Variants in BRD2 observed in about 807,000 individuals in gnomAD.
BRD2 encodes the protein bromodomain-containing protein 2.
Under a neutral mutation model 79.1 loss-of-function variants are expected in BRD2, and 15 were observed. That is an observed-to-expected ratio of 0.19 (90% CI 0.13 to 0.29). The LOEUF is 0.29. Among genes scored for constraint, BRD2 ranks in the 10% least tolerant of loss-of-function variants. BRD2 has a pLI of 1.00. For missense variants in BRD2, 1,053 were observed against 991.3 expected, an observed-to-expected ratio of 1.06 and a Z score of -0.84; for synonymous variants, 488 against 358.6, an observed-to-expected ratio of 1.36 and a Z score of -4.08.
At chr6:32,980,490 C>T (rs1582933358) in intron 12 of BRD2, 26 bp downstream of exon 12, 2 of 1,612,786 alleles carry the variant, frequency 1.2e-6, no homozygotes. Context: ...CATGCCACTA[C>T]AGATTGACTC....
rs145888786 is a variant in BRD2 at position 32,979,836 on chromosome 6, A to G, written c.1850A>G (p.Lys617Arg). Residue 617 changes from lysine to arginine, a missense_variant, in exon 11 of 13, where the codon AAA becomes AGA. By Grantham distance (26) the Lys-to-Arg change is conservative (BLOSUM62 2). Around this residue, in one of 5 missense-constraint regions of BRD2, gnomAD observed 454 missense variants for 430.5 expected, o/e 1.05. Coordinates refer to ENST00000374825, the MANE Select transcript of BRD2 (RefSeq NM_005104.4). ...ACTCTTTTTGCCCTTAGGCTCCCCAAAAAGGCCACAAAGACAGCCCCACCT... is the reference window on the plus strand; with the variant it reads ...ACTCTTTTTGCCCTTAGGCTCCCCAGAAAGGCCACAAAGACAGCCCCACCT... ...PSGGSGTKLP[K>R]KATKTAPPAL... 8.1e-6 allele frequency: 13 copies of G among 1,611,228 alleles called. No individual in the cohort carries two copies. The highest frequency in any genetic ancestry group is 1.3e-5 in the African/African-American group (1 of 74,838).
Position 32,978,209 on chromosome 6 carries a change from AAAG to A in BRD2, c.1668_1670del (p.Lys557del). On this transcript the variant is annotated inframe_deletion, in exon 10 of 13. Coordinates refer to ENST00000374825, the MANE Select transcript of BRD2 (RefSeq NM_005104.4). ...AGAGGAAAAGAGAGAAAAAAGAGAA[AAAG>A]AAGAAACGGAAGGCAGAGAAGCATC... 1 of 1,613,106 alleles carries A rather than the reference AAAG, an allele frequency of 6.2e-7. No individual in the cohort carries two copies. Among genetic ancestry groups the A allele is most frequent in the Non-Finnish European group, 8.5e-7 (1 of 1,180,038 alleles).
intron 10 of BRD2, 157 bp downstream of exon 10, chr6:32,978,545 G>T: frequency 7.9e-7 from 1 of 1,261,596 alleles, no homozygotes; most frequent in Non-Finnish European, 1.1e-6. Context: ...GACCAGTTTC[G>T]TGGAAGACAG....
At chr6:32,971,535 C>G in intron 1 of BRD2, 60 bp from the exon 2 acceptor site, 1 of 440,750 alleles carries the variant, frequency 2.3e-6, no homozygotes, top group Non-Finnish European at 4.0e-6. Flanking sequence ...AAGCCCGTAG[C>G]TGTTCGCCAT....
At position 32,976,828 on chromosome 6, in the gene BRD2, G is replaced by A. The variant is rs749356081; in HGVS notation, c.1092G>A (p.Lys364=). 2 of 1,613,174 alleles carry A rather than the reference G, an allele frequency of 1.2e-6. No homozygotes were observed. ...TTTTGAAGGAGTTACTCTCTAAGAAGCATGCTGCCTATGCTTGGCCTTTCT... is the reference window on the plus strand; with the variant it reads ...TTTTGAAGGAGTTACTCTCTAAGAAACATGCTGCCTATGCTTGGCCTTTCT... ...NGILKELLSK[K]HAAYAWPFYK... is the part of the protein sequence containing the mutation. The change falls in exon 7 of 13, where the codon AAG becomes AAA. Residue 364 remains lysine (K), a synonymous_variant. Transcript: ENST00000374825.
intron 4 of BRD2, 40 bp from the exon 5 acceptor site, chr6:32,975,991 C>T (rs1337602435): frequency 6.4e-7 from 1 of 1,568,434 alleles, no homozygotes; most frequent in Non-Finnish European, 8.6e-7. Context: ...CTTCTGTTGG[C>T]ATTTTTTAAC....
Position 32,977,869 on chromosome 6 carries a change from C to T in BRD2, c.1442C>T (p.Ser481Phe), listed in dbSNP as rs1778974380. The T allele has an allele frequency of 1.2e-6, 2 of 1,612,950 alleles. No homozygotes were observed. Among genetic ancestry groups the T allele is most frequent in the South Asian group, 2.2e-5 (2 of 91,090 alleles). Residue 481 changes from serine to phenylalanine, a missense_variant, in exon 9 of 13, where the codon TCC becomes TTC. Ser to Phe is a radical substitution (Grantham distance 155). Transcript: ENST00000374825. The stretch of plus-strand genomic sequence containing the variant: ...TTGGCCAAATCGTCTTCAGAGTCCT[C>T]CAGTGAGGAAAGTAGCAGTGAGAGC... ...PGLAKSSSES[S>F]SEESSSESSS...
chr6:32,973,035 C>G (rs757656991), intron 2 of BRD2, 108 bp downstream of exon 2: 27 of 1,610,906 alleles, frequency 1.7e-5, no homozygotes, highest in Middle Eastern at 1.7e-4. Context: ...GCTGCTGTTG[C>G]GGCGCAGCTG....
rs137873258 is a variant in BRD2, at chr6:32,977,678, A to G, written c.1330-79A>G. 5.6e-4 allele frequency: 897 copies of G among 1,603,638 alleles called. 7 individuals carry two copies. The African/African-American group carries it at 0.011, about 20-fold the overall frequency. ...GTCTCACTGTTCTGTACAGTTGTAA[A>G]TTGGAGCTATATCACTTGGTGGCTG... On this transcript the variant is annotated intron_variant, in intron 8 of 12. Coordinates refer to ENST00000374825, the MANE Select transcript of BRD2 (RefSeq NM_005104.4).
Position 32,978,020 on chromosome 6 carries a change from T to A in BRD2, c.1578+15T>A. On this transcript the variant is annotated intron_variant, in intron 9 of 12. Transcript: ENST00000374825. ...TACAGGAACAGGTATTTTGTCACTC[T>A]TGAAAGTTTTTATTGGGTAAGAGGT... 3 of 1,607,274 alleles carry A rather than the reference T, an allele frequency of 1.9e-6. No individual in the cohort carries two copies. The East Asian group carries it at 6.7e-5, about 36-fold the overall frequency.
Position 32,976,685 on chromosome 6 carries a change from C to T in BRD2, c.949C>T (p.Arg317Cys), listed in dbSNP as rs1778810645. ...TAAGGCAGCACGGCTTCCCCCTATG[C>T]GTAGAGAGAGTGGTCGCCCCATCAA... ...EPKAARLPPMRRESGRPIKPP... is the reference protein window; with the variant it reads ...EPKAARLPPMCRESGRPIKPP... Residue 317 changes from arginine to cysteine, a missense_variant, in exon 7 of 13, where the codon CGT becomes TGT. Around this residue, in one of 5 missense-constraint regions of BRD2, gnomAD observed 454 missense variants for 430.5 expected, o/e 1.05. Coordinates refer to ENST00000374825, the MANE Select transcript of BRD2 (RefSeq NM_005104.4). 1.9e-6 allele frequency: 3 copies of T among 1,612,490 alleles called. No homozygotes were observed. Among genetic ancestry groups the T allele is most frequent in the Non-Finnish European group, 1.7e-6 (2 of 1,179,836 alleles).
rs368750193 is a variant in BRD2, at chr6:32,968,971, T to TG, written c.-1381dup. On this transcript the variant is annotated 5_prime_UTR_variant, in exon 1 of 13. The change creates a premature stop within an existing upstream ORF in the 5' untranslated region. Transcript: ENST00000374825. ...CCTCCCCCAGCACGGCTTCGTTTTC[T>TG]GGGGGGGGGTTGACACCCCGGATTA... 802 of 180,574 alleles carry TG rather than the reference T, an allele frequency of 4.4e-3. 4 individuals carry two copies. Among genetic ancestry groups the TG allele is most frequent in the Admixed American group, 0.011 (174 of 16,156 alleles). 11.2% of individuals were successfully genotyped at this position (180,574 alleles called of 1,614,324 possible).
chr6:32,976,735 C>T lies in BRD2; in HGVS notation c.999C>T (p.Asp333=). 1 of 1,613,290 alleles carries T rather than the reference C, an allele frequency of 6.2e-7. No individual in the cohort carries two copies. The highest frequency in any genetic ancestry group is 8.5e-7 in the Non-Finnish European group (1 of 1,180,042). The change falls in exon 7 of 13, where the codon GAC becomes GAT. Residue 333 remains aspartate (D), a synonymous_variant. Transcript: ENST00000374825. The part of the protein sequence containing the change: ...PIKPPRKDLP[D]SQQQHQSSKK... Reference sequence around the variant, plus strand: ...AGCCCCCACGCAAAGACTTGCCTGACTCTCAGCAACAACACCAGAGCTCTA... The same window carrying T: ...AGCCCCCACGCAAAGACTTGCCTGATTCTCAGCAACAACACCAGAGCTCTA...
chr6:32,972,251 T>A lies in BRD2; in HGVS notation c.-648T>A, dbSNP rs1412822295. On this transcript the variant is annotated 5_prime_UTR_variant, in exon 2 of 13. Transcript: ENST00000374825. ...CTAGAACGAGCTGGAGGATTCTGCC[T>A]ACCGATACAGAGCCTTCGAGTCGTC... is the stretch of plus-strand genomic sequence containing the variant. 2 of 464,780 alleles carry A rather than the reference T, an allele frequency of 4.3e-6. No homozygotes were observed. Among genetic ancestry groups the A allele is most frequent in the Non-Finnish European group, 8.0e-6 (2 of 250,406 alleles). The allele number at this position is 464,780 out of a possible 1,614,324, so 28.8% of individuals were successfully genotyped here. A position where few individuals can be genotyped will look rare whatever the true frequency, so the allele number is the denominator to read the frequency against.
intron 3 of BRD2, chr6:32,975,155 G>A: frequency 1.3e-6 from 2 of 1,483,764 alleles, no homozygotes; most frequent in Non-Finnish European, 9.0e-7. Flanking sequence ...GGTGGGAGGT[G>A]GGTGGTTAGA....
chr6:32,976,974 T>C (rs1582911910), intron 7 of BRD2, 38 bp downstream of exon 7: 7 of 1,567,938 alleles, frequency 4.5e-6, no homozygotes, highest in Middle Eastern at 3.4e-4. Flanking sequence ...GCTCAGGCAG[T>C]GATGGGAGCC....
At chr6:32,979,051 T>TC in intron 10 of BRD2, 1 of 122,038 alleles carries the variant, frequency 8.2e-6, no homozygotes, top group Non-Finnish European at 1.8e-5. Context: ...TGTTTTGTTT[T>TC]TTTTTGTTAG....
intron 1 of BRD2, chr6:32,969,258 A>T (rs1777732903): frequency 1.5e-6 from 1 of 652,552 alleles, no homozygotes; most frequent in East Asian, 2.8e-5. Flanking sequence ...GGCCAGCCTC[A>T]TGCCTCCGTA....
At chr6:32,971,473 CT>C (rs1370981385) in intron 1 of BRD2, 121 bp from the exon 2 acceptor site, 1 of 404,230 alleles carries the variant, frequency 2.5e-6, no homozygotes, top group Non-Finnish European at 4.4e-6. Flanking sequence ...TCTGGCAACA[CT>C]GTTTTAGACT....
Sources: gnomAD v4.1 joint callset for allele counts on GRCh38, gnomAD v4.1.1 for gene constraint, gnomAD v4.1.1 regional missense constraint, MANE v1.5 for transcripts, NCBI Gene and HGNC (gene_info 2026-07-23, HGNC 2026-07-21) for gene names.